Variants in EDNRA observed in about 807,000 individuals in gnomAD.
EDNRA encodes the protein endothelin-1 receptor.
EDNRA carries 11 observed loss-of-function variants against 41.4 expected under a neutral mutation model. That is an observed-to-expected ratio of 0.27 (90% CI 0.17 to 0.44). The LOEUF (loss-of-function observed/expected upper bound fraction) is 0.44. EDNRA is among the 20% of genes least tolerant of loss of function. The pLI is 1.00. For missense variants in EDNRA, 294 were observed against 531.0 expected (o/e 0.55, Z 4.39); for synonymous variants, 172 against 183.0 (o/e 0.94, Z 0.49).
intron 2 of EDNRA, chr4:147,492,532 C>A (rs1355294093): frequency 2.0e-5 from 3 of 152,088 alleles, no homozygotes; most frequent in Non-Finnish European, 4.4e-5. Context: ...GAATTCTTGT[C>A]TCATGGTTCA....
intron 3 of EDNRA, chr4:147,520,340 C>A: frequency 2.0e-6 from 1 of 508,000 alleles, no homozygotes; most frequent in Non-Finnish European, 3.9e-6. Context: ...AGATACTGTT[C>A]AATTATATCT....
intron 1 of EDNRA, among the ~76,000 whole-genome samples, chr4:147,483,729 T>C (rs1728850491): frequency 6.6e-6 from 1 of 151,440 alleles, no homozygotes; most frequent in Non-Finnish European, 1.5e-5. Context: ...ATTTAATTTT[T>C]TTTTTTTTGA....
chr4:147,540,307 A>G (rs1348047951), intron 6 of EDNRA, 70 bp from the exon 7 acceptor site: 1 of 1,242,688 alleles, frequency 8.0e-7, no homozygotes, highest in Non-Finnish European at 1.1e-6. Context: ...TTATTCTAGG[A>G]AGAAATGCTA....
rs1173579064 is a variant in EDNRA at position 147,532,641 on chromosome 4, C to T, written c.684C>T (p.Pro228=). Residue 228 remains proline (P), a synonymous_variant, in exon 4 of 8, where the codon CCC becomes CCT. Coordinates refer to ENST00000651419, the MANE Select transcript of EDNRA (RefSeq NM_001957.4). ...IPEAIGFVMV[P]FEYRGEQHKT... is the part of the protein sequence containing the mutation. ...AAGCGATTGGCTTCGTCATGGTACC[C>T]TTTGAATATAGGGGTGAACAGCATA... 1 of 1,614,012 alleles carries T rather than the reference C, an allele frequency of 6.2e-7. No individual in the cohort carries two copies. The highest frequency in any genetic ancestry group is 8.5e-7 in the Non-Finnish European group (1 of 1,180,044).
intron 2 of EDNRA, among the ~76,000 whole-genome samples, chr4:147,507,692 A>G (rs923617596): frequency 2.0e-5 from 3 of 152,232 alleles, no homozygotes; most frequent in Non-Finnish European, 4.4e-5. Context: ...AGTATATGTG[A>G]AACTGGGGAA....
intron 3 of EDNRA, among the ~76,000 whole-genome samples, chr4:147,522,852 T>C (rs1730372048): frequency 6.6e-6 from 1 of 152,154 alleles, no homozygotes; most frequent in Non-Finnish European, 1.5e-5. Flanking sequence ...CCCAAGGTTG[T>C]TGAGTTACAG....
chr4:147,516,938 A>T (rs1237488721), intron 2 of EDNRA, among the ~76,000 whole-genome samples: 5 of 152,106 alleles, frequency 3.3e-5, no homozygotes, highest in African/African-American at 1.2e-4. Context: ...AAAAAAGATC[A>T]TAATGGAGTA....
intron 3 of EDNRA, among the ~76,000 whole-genome samples, chr4:147,527,270 TTATG>T (rs1261946839): frequency 1.3e-5 from 2 of 152,058 alleles, no homozygotes; most frequent in African/African-American, 4.8e-5. Flanking sequence ...AGAAAAAAAA[TTATG>T]TGTACAAACA....
chr4:147,507,778 G>A (rs1729773014), intron 2 of EDNRA, among the ~76,000 whole-genome samples: 1 of 152,066 alleles, frequency 6.6e-6, no homozygotes, highest in African/African-American at 2.4e-5. Context: ...TTTATATGAA[G>A]GTTTTAATTT....
intron 2 of EDNRA, among the ~76,000 whole-genome samples, chr4:147,502,551 T>C (rs1317039193): frequency 6.6e-6 from 1 of 152,226 alleles, no homozygotes; most frequent in Non-Finnish European, 1.5e-5. Context: ...GTCTGAAGAA[T>C]TGTACTTTTT....
intron 5 of EDNRA, among the ~76,000 whole-genome samples, chr4:147,539,079 C>A (rs1731012426): frequency 6.6e-6 from 1 of 152,004 alleles, no homozygotes; most frequent in South Asian, 2.1e-4. Context: ...TGAAGTCCGT[C>A]CAAGGTCAGC....
chr4:147,539,020 T>G (rs747476546), intron 5 of EDNRA, among the ~76,000 whole-genome samples: 4 of 152,066 alleles, frequency 2.6e-5, no homozygotes, highest in Non-Finnish European at 4.4e-5. Flanking sequence ...AATTCCTAAT[T>G]TATAGATTTT....
intron 3 of EDNRA, among the ~76,000 whole-genome samples, chr4:147,523,257 G>T (rs1730388085): frequency 6.6e-6 from 1 of 152,168 alleles, no homozygotes; most frequent in Admixed American, 6.5e-5. Flanking sequence ...ACCTGGAAAT[G>T]GAAGGGAATA....
In EDNRA at chr4:147,486,144, C is replaced by T. The variant is rs1728938823; in HGVS notation, c.420+43C>T. On this transcript the variant is annotated intron_variant, in intron 2 of 7. Transcript: ENST00000651419. The surrounding 1 kb of genome is among the most constrained non-coding windows in gnomAD (Gnocchi z 4.3). ...ATGTATTTGCAAATTTAAACCCATG[C>T]TCTGATTCCACGTGGAGAGTTGCTG... 1 of 1,556,552 alleles carries T rather than the reference C, an allele frequency of 6.4e-7. No individual in the cohort carries two copies. Among genetic ancestry groups the T allele is most frequent in the African/African-American group, 1.4e-5 (1 of 73,490 alleles).
intron 2 of EDNRA, among the ~76,000 whole-genome samples, chr4:147,507,556 A>G (rs1729762012): frequency 6.6e-6 from 1 of 152,238 alleles, no homozygotes; most frequent in Non-Finnish European, 1.5e-5. Flanking sequence ...GAGAAGGGAA[A>G]TATGGGTAGA....
rs775725922 is a variant in EDNRA, at chr4:147,532,593, G to A, written c.636G>A (p.Leu212=). ...TTGAAATTGTCTCCATCTGGATCCT[G>A]TCCTTTATCCTGGCCATTCCTGAAG... ...TAIEIVSIWI[L]SFILAIPEAI... The change falls in exon 4 of 8, where the codon CTG becomes CTA. Residue 212 remains leucine, a synonymous_variant. Transcript: ENST00000651419. 1.2e-6 allele frequency: 2 copies of A among 1,614,070 alleles called. No individual in the cohort carries two copies. The highest frequency in any genetic ancestry group is 1.7e-6 in the Non-Finnish European group (2 of 1,180,016).
At chr4:147,512,840 T>C (rs139348963) in intron 2 of EDNRA, among the ~76,000 whole-genome samples, 197 of 152,296 alleles carry the variant, frequency 1.3e-3, no homozygotes, top group African/African-American at 2.1e-3. Flanking sequence ...TGGGGTCTTT[T>C]GTTCTTGTGT....
At chr4:147,540,748 A>G (rs1731070434) in intron 7 of EDNRA, among the ~76,000 whole-genome samples, 1 of 152,202 alleles carries the variant, frequency 6.6e-6, no homozygotes, top group Non-Finnish European at 1.5e-5. Flanking sequence ...CCTCCTTTAG[A>G]GAGAAATGTT....
At chr4:147,496,696 T>C (rs1405017776) in intron 2 of EDNRA, among the ~76,000 whole-genome samples, 1 of 152,234 alleles carries the variant, frequency 6.6e-6, no homozygotes, top group Non-Finnish European at 1.5e-5. Flanking sequence ...GTAGGTATTG[T>C]TTTGTGTCTG....
Sources: gnomAD v4.1 joint callset for allele counts (sites outside exome capture counted in the v4.1 genomes callset) on GRCh38, gnomAD v4.1.1 for gene constraint, Gnocchi (gnomAD v3.1) non-coding constraint, MANE v1.5 for transcripts, NCBI Gene and HGNC (gene_info 2026-07-23, HGNC 2026-07-21) for gene names.